Variants in MAPK8 observed in about 807,000 individuals in gnomAD.
The protein encoded by MAPK8 is JUN N-terminal kinase.
A neutral mutation model predicts 52.9 loss-of-function variants in MAPK8; 13 were observed. That is an observed-to-expected ratio of 0.25 (90% CI 0.16 to 0.39). MAPK8 has a LOEUF of 0.39. Among genes scored for constraint, MAPK8 ranks in the 10% least tolerant of loss-of-function variants. MAPK8 has a pLI of 1.00. For missense variants in MAPK8, 300 were observed against 519.2 expected, an observed-to-expected ratio of 0.58 and a Z score of 4.10; for synonymous variants, 191 against 169.8, an observed-to-expected ratio of 1.12 and a Z score of -0.97.
intron 1 of MAPK8, among the ~76,000 whole-genome samples, chr10:48,366,308 G>GGAAA (rs950357613): frequency 1.3e-5 from 2 of 152,018 alleles, no homozygotes; most frequent in Admixed American, 1.3e-4. Context: ...TATTTGAGCA[G>GGAAA]GAAAAAGGTT....
At chr10:48,335,109 T>C (rs1009477) in intron 1 of MAPK8, among the ~76,000 whole-genome samples, 7,061 of 152,278 alleles carry the variant, frequency 0.046, 552 homozygotes, top group African/African-American at 0.16. Context: ...GTTTGTCACA[T>C]CTGCAGGTTG....
At chr10:48,364,250 G>A (rs1847829248) in intron 1 of MAPK8, among the ~76,000 whole-genome samples, 2 of 151,922 alleles carry the variant, frequency 1.3e-5, no homozygotes, top group South Asian at 2.1e-4. Context: ...GCGTTAATTC[G>A]TTTCCTTAAG....
chr10:48,426,386 A>G lies in MAPK8; in HGVS notation c.878A>G (p.Gln293Arg), dbSNP rs1454207254. 1 of 1,605,062 alleles carries G rather than the reference A, an allele frequency of 6.2e-7. No homozygotes were observed. The highest frequency in any genetic ancestry group is 8.5e-7 in the Non-Finnish European group (1 of 1,177,164). Residue 293 changes from glutamine to arginine, a missense_variant, in exon 9 of 12, where the codon CAG becomes CGG. Gln to Arg is a conservative substitution (Grantham distance 43). Coordinates refer to ENST00000374189, the MANE Select transcript of MAPK8 (RefSeq NM_001323329.2). Reference protein sequence around the residue: ...DSEHNKLKASQARDLLSKMLV... With the variant: ...DSEHNKLKASRARDLLSKMLV... ...AACACCATTATGTTTGCAGCCAGTC[A>G]GGCAAGGGATTTGTTATCCAAAATG...
chr10:48,414,325 G>T (rs1589236785), intron 5 of MAPK8, among the ~76,000 whole-genome samples: 2 of 151,808 alleles, frequency 1.3e-5, no homozygotes, highest in Non-Finnish European at 2.9e-5. Flanking sequence ...ATTATAATTT[G>T]GGTTGTTACC....
At chr10:48,343,353 C>T (rs1211788399) in intron 1 of MAPK8, among the ~76,000 whole-genome samples, 1 of 152,182 alleles carries the variant, frequency 6.6e-6, no homozygotes, top group African/African-American at 2.4e-5. Flanking sequence ...TCCTCCTTTT[C>T]TGTGTGTCTA....
intron 1 of MAPK8, among the ~76,000 whole-genome samples, chr10:48,387,972 T>A (rs1390005400): frequency 2.0e-5 from 3 of 152,164 alleles, no homozygotes; most frequent in Non-Finnish European, 4.4e-5. Context: ...AAAGCCAATA[T>A]GAAATCTTTT....
chr10:48,390,473 A>G (rs1479476077), intron 1 of MAPK8, among the ~76,000 whole-genome samples: 4 of 152,224 alleles, frequency 2.6e-5, no homozygotes, highest in Non-Finnish European at 4.4e-5. Flanking sequence ...GGATTGCCTG[A>G]TGATTACAGC....
rs570348128 is a variant in MAPK8, at chr10:48,381,256, T to G, written c.-49-20356T>G. ...TTTATAAACTCTTACAATTTTATTT[T>G]TTCTTTCTCCAACTTTTTAGTTTTA... On this transcript the variant is annotated intron_variant, in intron 1 of 11. Coordinates refer to ENST00000374189, the MANE Select transcript of MAPK8 (RefSeq NM_001323329.2). 2.8e-4 allele frequency among the ~76,000 whole-genome samples: 43 copies of G among 152,302 alleles called. 1 individual carries two copies. The Middle Eastern group carries it at 0.01, about 36-fold the overall frequency.
chr10:48,389,922 A>G (rs2041529754), intron 1 of MAPK8, among the ~76,000 whole-genome samples: 1 of 152,204 alleles, frequency 6.6e-6, no homozygotes, highest in Non-Finnish European at 1.5e-5. Flanking sequence ...GAGATTTATT[A>G]TACGGAATTA....
chr10:48,422,319 C>G (rs2043414649), intron 6 of MAPK8, among the ~76,000 whole-genome samples: 1 of 152,020 alleles, frequency 6.6e-6, no homozygotes, highest in Non-Finnish European at 1.5e-5. Flanking sequence ...GGAGTTTGAG[C>G]CACAACGCCT....
chr10:48,396,196 G>T (rs184174271), intron 1 of MAPK8, among the ~76,000 whole-genome samples: 60 of 152,100 alleles, frequency 3.9e-4, no homozygotes, highest in Non-Finnish European at 6.9e-4. Context: ...CTTGGAAATC[G>T]CATGTCTGAT....
At chr10:48,418,266 A>G (rs1189490226) in intron 5 of MAPK8, among the ~76,000 whole-genome samples, 1 of 152,172 alleles carries the variant, frequency 6.6e-6, no homozygotes, top group African/African-American at 2.4e-5. Flanking sequence ...CTCAACTGCT[A>G]AGCCAGGATC....
At chr10:48,373,455 C>G (rs947287916) in intron 1 of MAPK8, among the ~76,000 whole-genome samples, 4 of 150,358 alleles carry the variant, frequency 2.7e-5, no homozygotes, top group Admixed American at 1.3e-4. Flanking sequence ...CTGGCAAATT[C>G]GTTAAAGAGT....
chr10:48,347,768 G>A (rs756390590), intron 1 of MAPK8, among the ~76,000 whole-genome samples: 2 of 152,160 alleles, frequency 1.3e-5, no homozygotes, highest in Non-Finnish European at 2.9e-5. Context: ...TGGTATATAT[G>A]TGCCACTTTT....
rs2133444822 is a variant in MAPK8, at chr10:48,438,961, T to C, written c.*3932T>C. On this transcript the variant is annotated 3_prime_UTR_variant, in exon 12 of 12. Coordinates refer to ENST00000374189, the MANE Select transcript of MAPK8 (RefSeq NM_001323329.2). ...TTTGTAGGCCCAATATTTGGTATAT[T>C]TTTGAGAAGCTGTTAATCTTTTAGC... The C allele has an allele frequency of 6.6e-6, 1 of 152,296 alleles. No homozygotes were observed. The highest frequency in any genetic ancestry group is 2.4e-5 in the African/African-American group (1 of 41,566). 9.4% of individuals were successfully genotyped at this position (152,296 alleles called of 1,614,324 possible).
intron 1 of MAPK8, among the ~76,000 whole-genome samples, chr10:48,375,901 A>G (rs772303069): frequency 6.6e-6 from 1 of 152,240 alleles, no homozygotes; most frequent in Non-Finnish European, 1.5e-5. Context: ...TAAATTTCAT[A>G]TGGAACCAAA....
In MAPK8 at chr10:48,324,503, G is replaced by GTTTTTTTTTTTTTGGTTTTTTTTTTTTT. The variant is rs529248037; in HGVS notation, c.-50+17695_-50+17696insGGTTTTTTTTTTTTTTTTTTTTTTTTTT. On this transcript the variant is annotated intron_variant, in intron 1 of 11. Coordinates refer to ENST00000374189, the MANE Select transcript of MAPK8 (RefSeq NM_001323329.2). ...TATACAACAGTTGTCCTGTTTTCTA[G>GTTTTTTTTTTTTTGGTTTTTTTTTTTTT]TTTTTTTTTTTTTTTTTACACTCAT... Among the ~76,000 whole-genome samples the GTTTTTTTTTTTTTGGTTTTTTTTTTTTT allele has an allele frequency of 2.3e-3, 272 of 117,824 alleles. 5 individuals are homozygous for GTTTTTTTTTTTTTGGTTTTTTTTTTTTT. Among genetic ancestry groups the GTTTTTTTTTTTTTGGTTTTTTTTTTTTT allele is most frequent in the South Asian group, 7.9e-3 (27 of 3,414 alleles). The allele number at this position is 117,824 out of a possible 152,430, so 77.3% of individuals were successfully genotyped here.
At chr10:48,424,182 GTTAA>G (rs1413225095) in intron 7 of MAPK8, 23 bp downstream of exon 7, 7 of 1,593,258 alleles carry the variant, frequency 4.4e-6, no homozygotes, top group Non-Finnish European at 6.0e-6. Flanking sequence ...TGCTGCAGCA[GTTAA>G]TTAGTTAGGC....
chr10:48,349,065 C>G (rs990373700), intron 1 of MAPK8, among the ~76,000 whole-genome samples: 10 of 151,778 alleles, frequency 6.6e-5, no homozygotes, highest in African/African-American at 2.4e-4. Flanking sequence ...ATCAATGCAA[C>G]AAGAAGAGCT....
Sources: allele counts gnomAD v4.1 joint callset (sites outside exome capture counted in the v4.1 genomes callset), GRCh38; gene constraint gnomAD v4.1.1; transcripts MANE v1.5; gene names NCBI Gene and HGNC (gene_info 2026-07-23, HGNC 2026-07-21).